The following RASAL2 variants were observed in gnomAD, a reference collection of about 807,000 sequenced individuals.
The protein encoded by RASAL2 is ras GTPase-activating protein nGAP.
Under a neutral mutation model 128.9 loss-of-function variants are expected in RASAL2, and 58 were observed. The observed-to-expected ratio is 0.45, with a 90% CI of 0.36 to 0.56. The LOEUF (loss-of-function observed/expected upper bound fraction) is 0.56. Among genes scored for constraint, RASAL2 ranks in the 20% least tolerant of loss-of-function variants. The pLI, the probability that RASAL2 is intolerant of heterozygous loss-of-function variation, is 0.00. For missense variants in RASAL2, 1,360 were observed against 1,601.6 expected (o/e 0.85, Z 2.57); for synonymous variants, 561 against 580.8 (o/e 0.97, Z 0.49).
At position 178,260,138 on chromosome 1, in the gene RASAL2, G is replaced by T. The variant is rs541653244; in HGVS notation, c.203-23426G>T. On this transcript the variant is annotated intron_variant, in intron 1 of 17. Transcript: ENST00000367649. Reference sequence around the variant, plus strand: ...GAAGCCGAGGTGGGTGGAACACGAGGTTAGGAGTTCAAGACCAGCCTGGCC... The same window carrying T: ...GAAGCCGAGGTGGGTGGAACACGAGTTTAGGAGTTCAAGACCAGCCTGGCC... Among the ~76,000 whole-genome samples the T allele has an allele frequency of 2.0e-5, 3 of 150,542 alleles. No individual in the cohort carries two copies. The South Asian group carries it at 6.3e-4, about 32-fold the overall frequency.
chr1:178,382,335 T>C (rs1672330701), intron 3 of RASAL2, among the ~76,000 whole-genome samples: 1 of 152,204 alleles, frequency 6.6e-6, no homozygotes, highest in African/African-American at 2.4e-5. Context: ...CTAGAATGTT[T>C]TTATCAGCAT....
At chr1:178,333,037 A>AT (rs983575910) in intron 3 of RASAL2, among the ~76,000 whole-genome samples, 66 of 146,780 alleles carry the variant, frequency 4.5e-4, no homozygotes, top group South Asian at 2.6e-3. Flanking sequence ...TTATTTATTA[A>AT]TTTTTTTTTG....
At chr1:178,445,745 A>C in intron 9 of RASAL2, 83 bp downstream of exon 9, 3 of 1,387,602 alleles carry the variant, frequency 2.2e-6, no homozygotes, top group Non-Finnish European at 2.9e-6. Context: ...AATTGAGCTC[A>C]AATTCTGCAT....
chr1:178,456,893 C>A lies in RASAL2; in HGVS notation c.2384C>A (p.Thr795Asn), dbSNP rs755412575. Reference protein sequence around the residue: ...SGLQKIFEDPTDSDLHKLKSP... With the variant: ...SGLQKIFEDPNDSDLHKLKSP... ...CTGCAGAAAATATTTGAAGACCCCACTGACAGGTATGAAAGAGAGAATTTG... is the reference window on the plus strand; with the variant it reads ...CTGCAGAAAATATTTGAAGACCCCAATGACAGGTATGAAAGAGAGAATTTG... Residue 795 changes from threonine (T) to asparagine (N), a missense_variant, in exon 13 of 18, where the codon ACT becomes AAT. Physicochemically the swap from Thr to Asn is moderately conservative, Grantham distance 65. Transcript: ENST00000367649. 2 of 1,613,740 alleles carry A rather than the reference C, an allele frequency of 1.2e-6. No homozygotes were observed. The highest frequency in any genetic ancestry group is 1.7e-5 in the Admixed American group (1 of 59,994).
At chr1:178,375,249 C>G (rs1671924261) in intron 3 of RASAL2, among the ~76,000 whole-genome samples, 1 of 151,992 alleles carries the variant, frequency 6.6e-6, no homozygotes, top group African/African-American at 2.4e-5. Flanking sequence ...AGCAAACTGT[C>G]TTGAAAAGAA....
At chr1:178,322,820 C>T (rs1167412218) in intron 3 of RASAL2, among the ~76,000 whole-genome samples, 4 of 152,176 alleles carry the variant, frequency 2.6e-5, no homozygotes, top group African/African-American at 7.2e-5. Context: ...TGACACTAAA[C>T]GTCCTATATA....
intron 3 of RASAL2, among the ~76,000 whole-genome samples, chr1:178,323,594 T>C (rs1453176997): frequency 6.6e-6 from 1 of 152,240 alleles, no homozygotes; most frequent in Non-Finnish European, 1.5e-5. Context: ...GTATCAAGTG[T>C]ACTTGGTTGT....
intron 1 of RASAL2, among the ~76,000 whole-genome samples, chr1:178,267,312 C>T (rs1666005535): frequency 2.0e-5 from 3 of 152,006 alleles, no homozygotes; most frequent in Non-Finnish European, 2.9e-5. Flanking sequence ...GACCTTTTTA[C>T]TGATTTCCTA....
At position 178,420,470 on chromosome 1, in the gene RASAL2, T is replaced by G. The variant is rs1008729689; in HGVS notation, c.565-41T>G. ...GATAGTGTGGACGAGTAACATTCCCTTTTGGTTCTCTCTCCCATCACCTTC... is the reference window on the plus strand; with the variant it reads ...GATAGTGTGGACGAGTAACATTCCCGTTTGGTTCTCTCTCCCATCACCTTC... On this transcript the variant is annotated intron_variant, in intron 4 of 17. Transcript: ENST00000367649. The G allele has an allele frequency of 2.9e-6, 4 of 1,379,942 alleles. No individual in the cohort carries two copies. The African/African-American group carries it at 5.8e-5, about 20-fold the overall frequency. 85.5% of individuals were successfully genotyped at this position (1,379,942 alleles called of 1,614,324 possible).
intron 1 of RASAL2, among the ~76,000 whole-genome samples, chr1:178,156,540 G>C (rs1303868941): frequency 6.6e-6 from 1 of 152,128 alleles, no homozygotes; most frequent in African/African-American, 2.4e-5. Context: ...AATGTCAGCT[G>C]TGCTCAGATG....
intron 5 of RASAL2, among the ~76,000 whole-genome samples, chr1:178,424,589 G>A (rs1675399465): frequency 6.6e-6 from 1 of 152,146 alleles, no homozygotes; most frequent in African/African-American, 2.4e-5. Context: ...AGCCTCCTGA[G>A]TAGCTGGGAC....
intron 1 of RASAL2, among the ~76,000 whole-genome samples, chr1:178,256,115 A>C (rs1434902897): frequency 6.6e-6 from 1 of 152,226 alleles, no homozygotes. Flanking sequence ...TCCTCAATAA[A>C]ATACTAGCAA....
intron 1 of RASAL2, among the ~76,000 whole-genome samples, chr1:178,177,775 G>T (rs965429324): frequency 6.6e-6 from 1 of 152,164 alleles, no homozygotes; most frequent in South Asian, 2.1e-4. Context: ...TTCCAGAGAG[G>T]CAGGCAAGGG....
At chr1:178,372,166 A>ACC (rs1671756195) in intron 3 of RASAL2, 1 of 985,206 alleles carries the variant, frequency 1.0e-6, no homozygotes, top group East Asian at 1.1e-4. Context: ...CCAAGAATTT[A>ACC]GTCTCTGTAT....
intron 15 of RASAL2, among the ~76,000 whole-genome samples, chr1:178,465,370 A>G (rs1209277355): frequency 6.6e-6 from 1 of 152,148 alleles, no homozygotes; most frequent in African/African-American, 2.4e-5. Context: ...CATTATAGAA[A>G]TGTTGCTTGT....
chr1:178,151,979 C>T (rs1412090960), intron 1 of RASAL2, among the ~76,000 whole-genome samples: 1 of 152,156 alleles, frequency 6.6e-6, no homozygotes, highest in Non-Finnish European at 1.5e-5. Flanking sequence ...TCCTTGAACT[C>T]ATGGAGTTTC....
chr1:178,445,816 A>C (rs1197814329), intron 9 of RASAL2, among the ~76,000 whole-genome samples, 154 bp downstream of exon 9: 4 of 152,202 alleles, frequency 2.6e-5, no homozygotes, highest in South Asian at 2.1e-4. Flanking sequence ...AGAAGTCTGC[A>C]GTACTCACCA....
intron 4 of RASAL2, among the ~76,000 whole-genome samples, chr1:178,412,740 A>G (rs1232666132): frequency 6.6e-6 from 1 of 152,192 alleles, no homozygotes; most frequent in East Asian, 1.9e-4. Context: ...GAAAACCTCA[A>G]CTGTAATTTA....
chr1:178,308,945 G>A (rs1668117729), intron 3 of RASAL2, among the ~76,000 whole-genome samples: 1 of 152,056 alleles, frequency 6.6e-6, no homozygotes, highest in Non-Finnish European at 1.5e-5. Flanking sequence ...GATGGTAATA[G>A]CATTGGTAGA....
Sources: gnomAD v4.1 joint callset for allele counts (sites outside exome capture counted in the v4.1 genomes callset) on GRCh38, gnomAD v4.1.1 for gene constraint, MANE v1.5 for transcripts, NCBI Gene and HGNC (gene_info 2026-07-23, HGNC 2026-07-21) for gene names.